Variants in ELMO1 observed in about 807,000 individuals in gnomAD.
ELMO1 encodes engulfment and cell motility 1.
In ELMO1, 26 loss-of-function variants were observed where a neutral mutation model predicts 98.9. The ratio of observed to expected loss-of-function variants is 0.26; its 90% CI spans 0.19 to 0.36. The LOEUF is 0.36. Ranked by LOEUF, ELMO1 falls within the 10% of genes least tolerant of loss-of-function variation. The probability of loss-of-function intolerance (pLI) is 1.00; values close to 1 mark genes in which losing one functional copy is unlikely to be tolerated. For synonymous variants in ELMO1, 346 were observed against 346.0 expected (o/e 1.00, Z 0.00); for missense variants, 627 against 935.2 (o/e 0.67, Z 4.30).
chr7:37,354,593 A>G (rs1048091327), intron 1 of ELMO1, among the ~76,000 whole-genome samples: 7 of 152,196 alleles, frequency 4.6e-5, no homozygotes, highest in Admixed American at 1.3e-4. Flanking sequence ...TCATTTTGCA[A>G]ACTAATGCAC....
intron 1 of ELMO1, chr7:37,376,033 G>A: frequency 2.3e-6 from 1 of 434,378 alleles, no homozygotes; most frequent in Non-Finnish European, 4.3e-6. Flanking sequence ...AAACTGGAGA[G>A]GATTATTTCA....
chr7:37,088,547 A>G (rs551489427), intron 15 of ELMO1, among the ~76,000 whole-genome samples: 78 of 152,216 alleles, frequency 5.1e-4, no homozygotes, highest in Non-Finnish European at 1.0e-3. Flanking sequence ...GATGAGAATG[A>G]TGACGATCAT....
At chr7:37,101,051 G>A (rs561120890) in intron 14 of ELMO1, among the ~76,000 whole-genome samples, 2 of 152,310 alleles carry the variant, frequency 1.3e-5, no homozygotes, top group East Asian at 3.9e-4. Context: ...GTTTCTGCAT[G>A]GCCCATGGCC....
chr7:36,963,845 G>A (rs1311227735), intron 16 of ELMO1, among the ~76,000 whole-genome samples: 1 of 152,068 alleles, frequency 6.6e-6, no homozygotes, highest in Non-Finnish European at 1.5e-5. Context: ...TGTGTGTTAA[G>A]TCCTTGATTA....
chr7:37,188,500 AAAAT>A lies in ELMO1; in HGVS notation c.1086+22882_1086+22885del, dbSNP rs1335655235. On this transcript the variant is annotated intron_variant, in intron 13 of 21. Transcript: ENST00000310758. Reference sequence around the variant, plus strand: ...ACTGGAGAAAGGTAAAAAAAAAAAAAAAATAATAATAATAATAATAATAATAACT... The same window carrying A: ...ACTGGAGAAAGGTAAAAAAAAAAAAAAATAATAATAATAATAATAATAACT... 4.5e-5 allele frequency among the ~76,000 whole-genome samples: 6 copies of A among 134,048 alleles called. 1 individual carries two copies. The highest frequency in any genetic ancestry group is 1.7e-4 in the African/African-American group (6 of 36,116). The allele number at this position is 134,048 out of a possible 152,430, so 87.9% of individuals were successfully genotyped here.
intron 12 of ELMO1, among the ~76,000 whole-genome samples, chr7:37,211,870 G>T (rs1259532263): frequency 6.6e-6 from 1 of 152,236 alleles, no homozygotes; most frequent in Non-Finnish European, 1.5e-5. Context: ...ATACTGTACA[G>T]TTGGGAACAA....
At chr7:37,076,543 T>C (rs1797590892) in intron 15 of ELMO1, among the ~76,000 whole-genome samples, 1 of 152,202 alleles carries the variant, frequency 6.6e-6, no homozygotes, top group African/African-American at 2.4e-5. Context: ...CTGTTTAAAT[T>C]TGTTTCCTTA....
chr7:36,867,991 G>A (rs910249132), intron 20 of ELMO1, among the ~76,000 whole-genome samples: 1 of 152,090 alleles, frequency 6.6e-6, no homozygotes, highest in Admixed American at 6.5e-5. Context: ...GTTGCTGAGT[G>A]GATTAGTCTA....
At chr7:36,876,875 T>C (rs571745939) in intron 19 of ELMO1, among the ~76,000 whole-genome samples, 1 of 152,324 alleles carries the variant, frequency 6.6e-6, no homozygotes, top group South Asian at 2.1e-4. Context: ...GCCAATAATG[T>C]GGGCTGGGAA....
intron 13 of ELMO1, among the ~76,000 whole-genome samples, chr7:37,136,213 G>C (rs1787252991): frequency 6.6e-6 from 1 of 152,146 alleles, no homozygotes; most frequent in Non-Finnish European, 1.5e-5. Context: ...CCTCCAAGAA[G>C]TATGGGACTA....
At chr7:37,349,656 G>T (rs147721881) in intron 1 of ELMO1, among the ~76,000 whole-genome samples, 1 of 152,224 alleles carries the variant, frequency 6.6e-6, no homozygotes, top group South Asian at 2.1e-4. Flanking sequence ...GTTTCACCAT[G>T]TTGGCCAGGC....
intron 16 of ELMO1, among the ~76,000 whole-genome samples, chr7:36,961,558 T>C (rs1788952280): frequency 6.6e-6 from 1 of 152,222 alleles, no homozygotes; most frequent in South Asian, 2.1e-4. Context: ...GCAATATCCT[T>C]TTCAGTTTCA....
chr7:37,328,084 A>G (rs1216875491), intron 2 of ELMO1, among the ~76,000 whole-genome samples: 6 of 152,158 alleles, frequency 3.9e-5, no homozygotes, highest in Non-Finnish European at 8.8e-5. Context: ...AGGGATTCTT[A>G]AAACGTTACG....
chr7:37,078,756 G>T (rs1286971055), intron 15 of ELMO1, among the ~76,000 whole-genome samples: 1 of 152,124 alleles, frequency 6.6e-6, no homozygotes, highest in East Asian at 1.9e-4. Flanking sequence ...ATCCTGCAAT[G>T]AGTCTAGTCA....
intron 16 of ELMO1, among the ~76,000 whole-genome samples, chr7:36,911,128 C>A (rs1784315383): frequency 6.6e-6 from 1 of 152,100 alleles, no homozygotes; most frequent in Admixed American, 6.5e-5. Context: ...AGAAAGGGAT[C>A]TATTCTGGAA....
chr7:37,120,208 G>C (rs907643353), intron 14 of ELMO1, among the ~76,000 whole-genome samples: 2 of 152,188 alleles, frequency 1.3e-5, no homozygotes. Flanking sequence ...AGCTCCCAGC[G>C]TGAGCAACTC....
intron 4 of ELMO1, among the ~76,000 whole-genome samples, chr7:37,293,724 A>AAT (rs1797878148): frequency 1.4e-5 from 1 of 73,292 alleles, no homozygotes; most frequent in African/African-American, 3.8e-5. Context: ...ATAAAAAAAA[A>AAT]AATAATAATA....
chr7:37,025,566 G>A (rs866919148), intron 15 of ELMO1, among the ~76,000 whole-genome samples: 11 of 152,152 alleles, frequency 7.2e-5, no homozygotes. Context: ...AAAAGGTGGA[G>A]GAAAGAGGAA....
chr7:37,117,710 T>C (rs1785698485), intron 14 of ELMO1, among the ~76,000 whole-genome samples: 1 of 152,120 alleles, frequency 6.6e-6, no homozygotes, highest in South Asian at 2.1e-4. Context: ...CAAACAAGCC[T>C]CCAAGCTGTG....
Sources: allele counts gnomAD v4.1 joint callset (sites outside exome capture counted in the v4.1 genomes callset), GRCh38; gene constraint gnomAD v4.1.1; transcripts MANE v1.5; gene names NCBI Gene and HGNC (gene_info 2026-07-23, HGNC 2026-07-21).